The following STMND1 variants were observed in gnomAD, a reference collection of about 807,000 sequenced individuals.
The protein encoded by STMND1 is stathmin domain containing 1, also known as stathmin domain-containing protein 1.
Under a neutral mutation model 23.0 loss-of-function variants are expected in STMND1, and 17 were observed. The ratio of observed to expected loss-of-function variants is 0.74; its 90% CI spans 0.51 to 1.11. The LOEUF (loss-of-function observed/expected upper bound fraction) is 1.11. STMND1 is among the 50% of genes least tolerant of loss of function. The probability of loss-of-function intolerance (pLI) is 0.00; values close to 1 mark genes in which losing one functional copy is unlikely to be tolerated. For synonymous variants in STMND1, 114 were observed against 119.9 expected (o/e 0.95, Z 0.32); for missense variants, 305 against 329.1 (o/e 0.93, Z 0.57).
intron 1 of STMND1, among the ~76,000 whole-genome samples, chr6:17,109,520 A>T (rs1246172214): frequency 2.0e-5 from 3 of 152,140 alleles, no homozygotes; most frequent in African/African-American, 7.2e-5. Context: ...TATATTTTTT[A>T]AATTTGTATG....
chr6:17,125,504 A>T (rs1220604445), intron 3 of STMND1, among the ~76,000 whole-genome samples: 1 of 152,162 alleles, frequency 6.6e-6, no homozygotes, highest in East Asian at 1.9e-4. Flanking sequence ...GTCAAAGTTT[A>T]TTCCCTTCTC....
intron 4 of STMND1, 80 bp downstream of exon 4, chr6:17,129,323 C>G: frequency 7.2e-7 from 1 of 1,398,026 alleles, no homozygotes; most frequent in Non-Finnish European, 9.5e-7. Flanking sequence ...TTCCTATCAG[C>G]AGTTTTAAGA....
Position 17,115,087 on chromosome 6 carries a change from C to A in STMND1, c.207C>A (p.Thr69=). Residue 69 remains threonine, a synonymous_variant, in exon 2 of 5, where the codon ACC becomes ACA. Coordinates refer to ENST00000536551, the MANE Select transcript of STMND1 (RefSeq NM_001190766.2). ...EQVQMGSLPG[T]ISENSPSPSE... ...TCCAGATGGGAAGCTTACCTGGAAC[C>A]ATTTCAGAAAATTCTCCATCTCCTA... is the stretch of plus-strand genomic sequence containing the variant. The A allele has an allele frequency of 2.6e-6, 4 of 1,535,910 alleles. No individual in the cohort carries two copies. The highest frequency in any genetic ancestry group is 1.7e-4 in the Middle Eastern group (1 of 5,988).
At chr6:17,121,382 C>T (rs1193263630) in intron 3 of STMND1, among the ~76,000 whole-genome samples, 2 of 152,130 alleles carry the variant, frequency 1.3e-5, no homozygotes, top group Non-Finnish European at 1.5e-5. Flanking sequence ...CAATAGGCCC[C>T]ACTGAATAAC....
chr6:17,120,932 G>C (rs994986401), intron 3 of STMND1, among the ~76,000 whole-genome samples, 174 bp downstream of exon 3: 13 of 152,136 alleles, frequency 8.5e-5, no homozygotes, highest in African/African-American at 2.9e-4. Context: ...ATCTCATATG[G>C]TTTGGTTCTG....
At chr6:17,105,647 C>T (rs1561921193) in intron 1 of STMND1, among the ~76,000 whole-genome samples, 2 of 145,026 alleles carry the variant, frequency 1.4e-5, no homozygotes, top group African/African-American at 5.2e-5. Context: ...AACCCTGTCT[C>T]AAAAAATAAA....
intron 1 of STMND1, among the ~76,000 whole-genome samples, chr6:17,112,398 G>C (rs890752358): frequency 1.3e-5 from 2 of 152,104 alleles, no homozygotes. Flanking sequence ...CACTTTTGGG[G>C]TATTATAAAT....
intron 2 of STMND1, among the ~76,000 whole-genome samples, chr6:17,116,955 A>G (rs778220842): frequency 9.2e-5 from 14 of 152,226 alleles, no homozygotes; most frequent in Non-Finnish European, 2.1e-4. Flanking sequence ...TCTGTTAATA[A>G]GTTACAGACA....
chr6:17,115,474 C>T (rs919766459), intron 2 of STMND1, among the ~76,000 whole-genome samples: 3 of 151,190 alleles, frequency 2.0e-5, no homozygotes, highest in Admixed American at 6.6e-5. Flanking sequence ...TAAACTCCCA[C>T]GATGATAACA....
chr6:17,128,564 C>A (rs1311854402), intron 3 of STMND1: 1 of 152,192 alleles, frequency 6.6e-6, no homozygotes, highest in Non-Finnish European at 1.5e-5. Context: ...CTGAGAACAC[C>A]TGCATTCATA....
chr6:17,118,835 T>C (rs1761192478), intron 2 of STMND1, among the ~76,000 whole-genome samples: 1 of 152,156 alleles, frequency 6.6e-6, no homozygotes, highest in Admixed American at 6.5e-5. Context: ...TCACCTTGAG[T>C]AAGTTAATTA....
intron 1 of STMND1, among the ~76,000 whole-genome samples, chr6:17,113,921 C>T (rs1229359745): frequency 6.6e-6 from 1 of 152,114 alleles, no homozygotes; most frequent in Non-Finnish European, 1.5e-5. Context: ...TGGTAGATGC[C>T]TATTAGATAC....
At chr6:17,122,249 T>C (rs1761244412) in intron 3 of STMND1, among the ~76,000 whole-genome samples, 1 of 152,080 alleles carries the variant, frequency 6.6e-6, no homozygotes, top group South Asian at 2.1e-4. Flanking sequence ...TGTTTTCTTG[T>C]TTGTTTGGGT....
At chr6:17,126,061 TATATATA>T (rs1348152129) in intron 3 of STMND1, among the ~76,000 whole-genome samples, 19 of 27,476 alleles carry the variant, frequency 6.9e-4, no homozygotes, top group African/African-American at 2.3e-3. Context: ...TATATATATA[TATATATA>T]TATTTTTTTT....
chr6:17,102,185 C>G lies in STMND1; in HGVS notation c.-73C>G, dbSNP rs1321351998. 3 of 1,406,908 alleles carry G rather than the reference C, an allele frequency of 2.1e-6. No homozygotes were observed. Among genetic ancestry groups the G allele is most frequent in the African/African-American group, 1.5e-5 (1 of 66,136 alleles). 87.2% of individuals were successfully genotyped at this position (1,406,908 alleles called of 1,614,324 possible). On this transcript the variant is annotated 5_prime_UTR_variant, in exon 1 of 5. Transcript: ENST00000536551. ...CGCAGGAGCGCGGGACCACCGGCGC[C>G]GGAGCGCGGCAGGGAGCGCTCGCGG...
Position 17,102,244 on chromosome 6 carries a change from C to A in STMND1, c.-14C>A, listed in dbSNP as rs763589934. On this transcript the variant is annotated 5_prime_UTR_variant, in exon 1 of 5. Coordinates refer to ENST00000536551, the MANE Select transcript of STMND1 (RefSeq NM_001190766.2). The stretch of plus-strand genomic sequence containing the variant: ...AGCAGCCAAGCCCGCGGAGGAGGAG[C>A]GCGCGCGCGCAGCATGGGCTGTGGA... 2.8e-5 allele frequency: 42 copies of A among 1,495,000 alleles called. No individual in the cohort carries two copies. The highest frequency in any genetic ancestry group is 3.6e-5 in the Non-Finnish European group (41 of 1,124,908). The allele number at this position is 1,495,000 out of a possible 1,614,324, so 92.6% of individuals were successfully genotyped here.
intron 1 of STMND1, among the ~76,000 whole-genome samples, chr6:17,105,158 A>C (rs1331909545): frequency 6.6e-6 from 1 of 152,188 alleles, no homozygotes; most frequent in Non-Finnish European, 1.5e-5. Context: ...ATTTTCTATA[A>C]AGGACTTGAA....
At chr6:17,127,815 G>A (rs924629206) in intron 3 of STMND1, 9 of 152,110 alleles carry the variant, frequency 5.9e-5, no homozygotes, top group African/African-American at 2.2e-4. Flanking sequence ...ATGCAGCCTT[G>A]GAGTTAACTA....
chr6:17,129,238 A>G lies in STMND1; in HGVS notation c.538A>G (p.Arg180Gly). 1 of 1,535,952 alleles carries G rather than the reference A, an allele frequency of 6.5e-7. No individual in the cohort carries two copies. Among genetic ancestry groups the G allele is most frequent in the Non-Finnish European group, 8.7e-7 (1 of 1,146,798 alleles). ...GAAGATGGAGGCTGCCGAGGAGCGC[A>G]GGAAGGTAGTGAGCTCTCAGATGCT... ...EEKMEAAEERRKTKEEEIRKR... is the reference protein window; with the variant it reads ...EEKMEAAEERGKTKEEEIRKR... Residue 180 changes from arginine (R) to glycine (G), a missense_variant, in exon 4 of 5, where the codon AGG (arginine) becomes GGG (glycine). Coordinates refer to ENST00000536551, the MANE Select transcript of STMND1 (RefSeq NM_001190766.2).
Sources: gnomAD v4.1 joint callset for allele counts (sites outside exome capture counted in the v4.1 genomes callset) on GRCh38, gnomAD v4.1.1 for gene constraint, MANE v1.5 for transcripts, NCBI Gene and HGNC (gene_info 2026-07-23, HGNC 2026-07-21) for gene names.